The following KCNIP4 variants were observed in gnomAD, a reference collection of about 807,000 sequenced individuals.
The protein encoded by KCNIP4 is Kv channel-interacting protein 4.
KCNIP4 carries 12 observed loss-of-function variants against 34.0 expected under a neutral mutation model. That is an observed-to-expected ratio of 0.35 (90% confidence interval 0.23 to 0.57). The LOEUF is 0.57. Ranked by LOEUF, KCNIP4 falls within the 20% of genes least tolerant of loss-of-function variation. The pLI is 0.83. For missense variants in KCNIP4, 238 were observed against 311.7 expected, an observed-to-expected ratio of 0.76 and a Z score of 1.78; for synonymous variants, 124 against 102.2, an observed-to-expected ratio of 1.21 and a Z score of -1.29.
chr4:21,595,303 C>T (rs1742557604), intron 1 of KCNIP4, among the ~76,000 whole-genome samples: 2 of 152,058 alleles, frequency 1.3e-5, no homozygotes, highest in African/African-American at 4.8e-5. Context: ...CGTCCATGTC[C>T]CTGCACAGGA....
At chr4:21,591,169 G>C (rs7676137) in intron 1 of KCNIP4, among the ~76,000 whole-genome samples, 9,086 of 151,968 alleles carry the variant, frequency 0.06, 356 homozygotes, top group Non-Finnish European at 0.09. Flanking sequence ...AAAATCATTT[G>C]AGCTACCCTA....
chr4:21,406,635 C>T (rs1724016736), intron 1 of KCNIP4, among the ~76,000 whole-genome samples: 1 of 152,134 alleles, frequency 6.6e-6, no homozygotes, highest in African/African-American at 2.4e-5. Context: ...AGGAAAAGCG[C>T]TGATGTAATT....
intron 1 of KCNIP4, among the ~76,000 whole-genome samples, chr4:21,502,648 C>T (rs1237769150): frequency 1.3e-5 from 2 of 152,100 alleles, no homozygotes; most frequent in Non-Finnish European, 2.9e-5. Flanking sequence ...AATGTTGTTA[C>T]TTCTTGTCTC....
chr4:21,186,398 T>C (rs1448359527), intron 1 of KCNIP4, among the ~76,000 whole-genome samples: 1 of 152,140 alleles, frequency 6.6e-6, no homozygotes, highest in Non-Finnish European at 1.5e-5. Flanking sequence ...TAAAGTCCTC[T>C]TATTCTGGGG....
At chr4:21,246,996 C>A (rs962393262) in intron 1 of KCNIP4, among the ~76,000 whole-genome samples, 9 of 152,040 alleles carry the variant, frequency 5.9e-5, no homozygotes, top group Non-Finnish European at 1.0e-4. Flanking sequence ...TTGCAAGGAT[C>A]TCAAGAGATA....
chr4:21,194,078 T>C (rs1755877717), intron 1 of KCNIP4, among the ~76,000 whole-genome samples: 1 of 152,182 alleles, frequency 6.6e-6, no homozygotes, highest in Non-Finnish European at 1.5e-5. Context: ...AGAATGGCAC[T>C]AAAGACACTT....
At chr4:21,689,318 A>G (rs1016442105) in intron 1 of KCNIP4, among the ~76,000 whole-genome samples, 4 of 152,252 alleles carry the variant, frequency 2.6e-5, no homozygotes, top group African/African-American at 7.2e-5. Flanking sequence ...AATAAAACTA[A>G]TAGAACATCC....
intron 1 of KCNIP4, among the ~76,000 whole-genome samples, chr4:20,922,127 T>C (rs79901377): frequency 0.013 from 1,933 of 152,284 alleles, 42 homozygotes; most frequent in African/African-American, 0.044. Flanking sequence ...TTTAGGACCT[T>C]GGTTACTGTG....
rs370596516 is a variant in KCNIP4, at chr4:21,637,557, TGGATGGCTTGC to T, written c.61+311003_61+311013del. Among the ~76,000 whole-genome samples the T allele has an allele frequency of 6.4e-3, 965 of 151,630 alleles. 9 individuals are homozygous for T. Among genetic ancestry groups the T allele is most frequent in the African/African-American group, 0.022 (905 of 41,364 alleles). On this transcript the variant is annotated intron_variant, in intron 1 of 8. Transcript: ENST00000382152. ...CAGCACTTTGGGAGACTGAGGCGGG[TGGATGGCTTGC>T]GGATAGGCATTCAAGACCAGACTGG...
intron 1 of KCNIP4, among the ~76,000 whole-genome samples, chr4:21,445,529 T>C (rs1727904321): frequency 6.6e-6 from 1 of 152,162 alleles, no homozygotes; most frequent in Non-Finnish European, 1.5e-5. Context: ...GGGGAAAGGA[T>C]TCCCTATTTA....
intron 1 of KCNIP4, among the ~76,000 whole-genome samples, chr4:21,489,037 C>G (rs1032705924): frequency 2.6e-5 from 4 of 152,058 alleles, no homozygotes; most frequent in African/African-American, 9.7e-5. Context: ...TTTTACGATG[C>G]AACACAAAGC....
chr4:21,522,104 T>A (rs1298812785), intron 1 of KCNIP4, among the ~76,000 whole-genome samples: 1 of 152,078 alleles, frequency 6.6e-6, no homozygotes, highest in Non-Finnish European at 1.5e-5. Flanking sequence ...GCAAATAAGT[T>A]GACAGGTGAT....
chr4:21,533,757 G>T (rs28698363), intron 1 of KCNIP4, among the ~76,000 whole-genome samples: 27,190 of 152,030 alleles, frequency 0.18, 2,469 homozygotes, highest in Non-Finnish European at 0.19. Context: ...AGAAATTGAG[G>T]CTAGACGATG....
intron 1 of KCNIP4, among the ~76,000 whole-genome samples, chr4:21,273,395 C>G (rs1762266545): frequency 6.6e-6 from 1 of 152,108 alleles, no homozygotes; most frequent in African/African-American, 2.4e-5. Context: ...GAAAGTCTGA[C>G]TTCCCTCCTG....
rs574636550 is a variant in KCNIP4, at chr4:20,743,929, A to T, written c.429+5733T>A. On this transcript the variant is annotated intron_variant, in intron 5 of 8. Transcript: ENST00000382152. ...GAAATTAAATTTACAAGAAAAAAAA[A>T]AACCCTTCAAAAAGTGGGCAAAGGA... 3.9e-3 allele frequency among the ~76,000 whole-genome samples: 594 copies of T among 152,046 alleles called. 6 individuals carry two copies. Among genetic ancestry groups the T allele is most frequent in the African/African-American group, 0.013 (558 of 41,526 alleles).
intron 1 of KCNIP4, among the ~76,000 whole-genome samples, chr4:21,202,121 T>C (rs1354791817): frequency 6.6e-6 from 1 of 152,142 alleles, no homozygotes; most frequent in African/African-American, 2.4e-5. Flanking sequence ...ACTGGATATA[T>C]ACCCAAAGGA....
intron 1 of KCNIP4, among the ~76,000 whole-genome samples, chr4:21,820,277 G>GTA (rs1244324284): frequency 1.8e-4 from 3 of 16,726 alleles, no homozygotes; most frequent in African/African-American, 5.3e-4. Flanking sequence ...TTATGTATGT[G>GTA]TGTGTGTGTA....
chr4:20,858,816 T>A (rs189141062), intron 2 of KCNIP4, among the ~76,000 whole-genome samples: 1 of 152,206 alleles, frequency 6.6e-6, no homozygotes, highest in Admixed American at 6.5e-5. Flanking sequence ...TTCAGTGAGA[T>A]AGCTACATTT....
chr4:21,546,660 T>G (rs529035725), intron 1 of KCNIP4, among the ~76,000 whole-genome samples: 1 of 152,292 alleles, frequency 6.6e-6, no homozygotes, highest in Admixed American at 6.5e-5. Flanking sequence ...TTTGAGCCAT[T>G]CTTATGTCTT....
Sources: allele counts gnomAD v4.1 joint callset (sites outside exome capture counted in the v4.1 genomes callset), GRCh38; gene constraint gnomAD v4.1.1; transcripts MANE v1.5; gene names NCBI Gene and HGNC (gene_info 2026-07-23, HGNC 2026-07-21).